GREB1: variants seen among roughly 807,000 people sequenced by gnomAD.
The protein encoded by GREB1 is growth regulating estrogen receptor binding 1.
In GREB1, 106 loss-of-function variants were observed where a neutral mutation model predicts 200.7. The ratio of observed to expected loss-of-function variants is 0.53; its 90% CI spans 0.45 to 0.62. The LOEUF is 0.62. GREB1 is among the 20% of genes least tolerant of loss of function. GREB1 has a pLI of 0.00. For synonymous variants in GREB1, 1,132 were observed against 1,092.4 expected (o/e 1.04, Z -0.72); for missense variants, 2,243 against 2,556.8 (o/e 0.88, Z 2.65).
rs1251176608 is a variant in GREB1 at position 11,642,154 on chromosome 2, T to C, written c.*1700T>C. Reference sequence around the variant, plus strand: ...TTCGGAGACGGAGTTTCACTCTTGCTGCCCAGGCTGGAGTGCAATGGTGCA... The same window carrying C: ...TTCGGAGACGGAGTTTCACTCTTGCCGCCCAGGCTGGAGTGCAATGGTGCA... On this transcript the variant is annotated 3_prime_UTR_variant, in exon 33 of 33. Transcript: ENST00000381486. 3 of 152,060 alleles carry C rather than the reference T, an allele frequency of 2.0e-5. No homozygotes were observed. The highest frequency in any genetic ancestry group is 4.4e-5 in the Non-Finnish European group (3 of 68,004). The allele number at this position is 152,060 out of a possible 1,614,324, so 9.4% of individuals were successfully genotyped here.
At position 11,490,715 on chromosome 2, in the gene GREB1, A is replaced by AT. The variant is rs1672757987; in HGVS notation, c.-159+8339dup. Among the ~76,000 whole-genome samples the AT allele has an allele frequency of 7.2e-5, 11 of 152,048 alleles. No homozygotes were observed. The South Asian group carries it at 2.3e-3, about 32-fold the overall frequency. On this transcript the variant is annotated intron_variant, in intron 1 of 2. Transcript: ENST00000628795. ...AGGCGTGCAGCACCACGCCCGGCTA[A>AT]TTTTTGTATTTTTAGTACAGACAGG...
chr2:11,592,774 A>C lies in GREB1; in HGVS notation c.1346-2A>C. The C allele has an allele frequency of 6.6e-7, 1 of 1,505,610 alleles. No individual in the cohort carries two copies. The highest frequency in any genetic ancestry group is 8.8e-7 in the Non-Finnish European group (1 of 1,133,948). 93.3% of individuals were successfully genotyped at this position (1,505,610 alleles called of 1,614,324 possible). On this transcript the variant is annotated splice_acceptor_variant, in intron 10 of 32. Coordinates refer to ENST00000381486, the MANE Select transcript of GREB1 (RefSeq NM_014668.4). LOFTEE classifies it high-confidence loss of function. ...AGGCCCTCCGCCCGCATTGTGTTGC[A>C]GCCGCGGACCAGGTGCCCTTGATGG...
intron 24 of GREB1, among the ~76,000 whole-genome samples, chr2:11,625,703 T>G (rs1265159809): frequency 6.6e-6 from 1 of 152,166 alleles, no homozygotes; most frequent in Non-Finnish European, 1.5e-5. Context: ...CCAACATCCA[T>G]GGTGTGCTGG....
At chr2:11,585,936 A>G (rs1356522143) in intron 9 of GREB1, 31 bp downstream of exon 9, 4 of 1,560,476 alleles carry the variant, frequency 2.6e-6, no homozygotes, top group African/African-American at 2.0e-5. Flanking sequence ...AGTCGTGGGG[A>G]TGGGAGAACC....
intron 1 of GREB1, among the ~76,000 whole-genome samples, chr2:11,516,085 C>A (rs893273941): frequency 2.6e-5 from 4 of 152,114 alleles, no homozygotes; most frequent in Non-Finnish European, 5.9e-5. Flanking sequence ...TGGTGGATGT[C>A]ACATGAACCA....
At chr2:11,510,775 C>T (rs375606119) in intron 1 of GREB1, among the ~76,000 whole-genome samples, 15 of 150,692 alleles carry the variant, frequency 1.0e-4, no homozygotes, top group African/African-American at 2.2e-4. Context: ...CTGCAACCTC[C>T]GCCTCCTGGG....
intron 1 of GREB1, among the ~76,000 whole-genome samples, chr2:11,497,667 G>A (rs1672922939): frequency 6.6e-6 from 1 of 152,144 alleles, no homozygotes; most frequent in African/African-American, 2.4e-5. Flanking sequence ...TAGCTGTTAT[G>A]ATAGATGCAT....
At chr2:11,595,038 G>A (rs1681086540) in intron 11 of GREB1, among the ~76,000 whole-genome samples, 1 of 151,310 alleles carries the variant, frequency 6.6e-6, no homozygotes, top group Non-Finnish European at 1.5e-5. Flanking sequence ...ATGTGAGTGG[G>A]ACTTGCAGTA....
intron 19 of GREB1, among the ~76,000 whole-genome samples, chr2:11,613,294 T>G (rs948518164): frequency 2.0e-5 from 3 of 152,106 alleles, no homozygotes; most frequent in African/African-American, 7.2e-5. Context: ...AGTGACAGAT[T>G]GGGTTTTAGA....
chr2:11,508,930 A>T (rs1391072673), intron 1 of GREB1, among the ~76,000 whole-genome samples: 1 of 142,926 alleles, frequency 7.0e-6, no homozygotes, highest in East Asian at 2.1e-4. Flanking sequence ...GCTGGAGTGC[A>T]GTGGCGCGAT....
At chr2:11,606,876 G>A (rs1349400661) in intron 17 of GREB1, among the ~76,000 whole-genome samples, 6 of 151,610 alleles carry the variant, frequency 4.0e-5, no homozygotes, top group Admixed American at 1.3e-4. Flanking sequence ...TCTGCCTCCC[G>A]GGTTCAAGTG....
intron 22 of GREB1, among the ~76,000 whole-genome samples, chr2:11,619,512 T>C (rs1683825204): frequency 6.6e-6 from 1 of 152,202 alleles, no homozygotes; most frequent in African/African-American, 2.4e-5. Flanking sequence ...ACAATATTAC[T>C]TTTTCTGATT....
chr2:11,501,443 G>T (rs1395114674), intron 1 of GREB1, among the ~76,000 whole-genome samples: 2 of 152,178 alleles, frequency 1.3e-5, no homozygotes, highest in African/African-American at 4.8e-5. Context: ...GCCCTGGCTG[G>T]AGTGCAGTGG....
At chr2:11,603,791 A>G (rs1681996663) in intron 17 of GREB1, among the ~76,000 whole-genome samples, 1 of 152,270 alleles carries the variant, frequency 6.6e-6, no homozygotes, top group Non-Finnish European at 1.5e-5. Context: ...TCAGACAGTG[A>G]GCACACATGA....
At chr2:11,551,946 A>C (rs1290876909) in intron 1 of GREB1, among the ~76,000 whole-genome samples, 1 of 152,186 alleles carries the variant, frequency 6.6e-6, no homozygotes, top group Non-Finnish European at 1.5e-5. Flanking sequence ...ATAATCTGAA[A>C]TTCTTTTCCT....
At chr2:11,631,852 G>A in intron 26 of GREB1, 57 bp from the exon 27 acceptor site, 1 of 1,274,622 alleles carries the variant, frequency 7.8e-7, no homozygotes, top group Non-Finnish European at 1.1e-6. Flanking sequence ...ACATGTCAAG[G>A]GAATAATTGC....
Position 11,597,046 on chromosome 2 carries a change from C to T in GREB1, c.1955-735C>T, listed in dbSNP as rs572013996. ...AGGCGCCAATGGGCACAGGTGTGCA[C>T]CGTGAGAGAGGGCAGTGGGCACAGG... is the stretch of plus-strand genomic sequence containing the variant. On this transcript the variant is annotated intron_variant, in intron 13 of 32. Transcript: ENST00000381486. This position sits in a 1 kb window ranked among gnomAD's most constrained non-coding sequence, Gnocchi z 4.1. 6.6e-6 allele frequency among the ~76,000 whole-genome samples: 1 copy of T among 151,278 alleles called. No individual in the cohort carries two copies. Among genetic ancestry groups the T allele is most frequent in the African/African-American group, 2.4e-5 (1 of 41,128 alleles).
rs760472945 is a variant in GREB1 at position 11,596,201 on chromosome 2, C to T, written c.1916C>T (p.Ala639Val). Reference sequence around the variant, plus strand: ...CTCGCTGCCTCTTCTGTCACTAAAGCAGCATCCCTGGATGTCAGTGGGACA... The same window carrying T: ...CTCGCTGCCTCTTCTGTCACTAAAGTAGCATCCCTGGATGTCAGTGGGACA... The part of the protein sequence containing the change: ...SSLAASSVTK[A>V]ASLDVSGTPV... The change falls in exon 13 of 33, where the codon GCA (alanine) becomes GTA (valine). Residue 639 changes from alanine (A) to valine (V), a missense_variant. Physicochemically the swap from Ala to Val is moderately conservative, Grantham distance 64. Transcript: ENST00000381486. The T allele has an allele frequency of 9.9e-6, 16 of 1,613,684 alleles. No individual in the cohort carries two copies. In the South Asian group the frequency reaches 1.5e-4, roughly 16 times the overall value.
intron 23 of GREB1, among the ~76,000 whole-genome samples, chr2:11,623,244 C>T (rs1371994922): frequency 1.3e-5 from 2 of 152,216 alleles, no homozygotes; most frequent in Non-Finnish European, 2.9e-5. Flanking sequence ...AATTAACCTG[C>T]ACTGCCAGTA....
Sources: allele counts gnomAD v4.1 joint callset (sites outside exome capture counted in the v4.1 genomes callset), GRCh38; gene constraint gnomAD v4.1.1; non-coding constraint Gnocchi (gnomAD v3.1); transcripts MANE v1.5; gene names NCBI Gene and HGNC (gene_info 2026-07-23, HGNC 2026-07-21).